SLC2A9: variants seen among roughly 807,000 people sequenced by gnomAD.
SLC2A9 encodes solute carrier family 2, facilitated glucose transporter member 9.
In SLC2A9, 39 loss-of-function variants were observed where a neutral mutation model predicts 50.6. The ratio of observed to expected loss-of-function variants is 0.77; its 90% CI spans 0.60 to 1.01. The LOEUF is 1.01. Ranked by LOEUF, SLC2A9 falls within the 50% of genes least tolerant of loss-of-function variation. SLC2A9 has a pLI of 0.00. For synonymous variants in SLC2A9, 324 were observed against 276.9 expected, an observed-to-expected ratio of 1.17 and a Z score of -1.69; for missense variants, 686 against 677.6, an observed-to-expected ratio of 1.01 and a Z score of -0.14.
chr4:10,035,609 C>G (rs1764075754), intron 1 of SLC2A9: 1 of 152,164 alleles, frequency 6.6e-6, no homozygotes, highest in Non-Finnish European at 1.5e-5. Flanking sequence ...GAAAGCTGGT[C>G]AAGCCTCACT....
At chr4:9,964,112 C>T (rs1006427355) in intron 5 of SLC2A9, among the ~76,000 whole-genome samples, 7 of 152,200 alleles carry the variant, frequency 4.6e-5, no homozygotes, top group Middle Eastern at 3.4e-3. Flanking sequence ...GGGAGACATT[C>T]GAGAATTCTT....
chr4:9,852,052 G>A (rs1425257894), intron 10 of SLC2A9, among the ~76,000 whole-genome samples: 2 of 152,144 alleles, frequency 1.3e-5, no homozygotes, highest in Non-Finnish European at 2.9e-5. Context: ...ACCCCTGTGA[G>A]ATACTATATA....
At chr4:9,817,376 G>A (rs536696492) in intron 3 of SLC2A9, among the ~76,000 whole-genome samples, 27 of 152,270 alleles carry the variant, frequency 1.8e-4, no homozygotes, top group East Asian at 1.3e-3. Context: ...CACCTTCTAC[G>A]TATGTGCCAG....
intron 10 of SLC2A9, among the ~76,000 whole-genome samples, chr4:9,881,353 A>G (rs777439342): frequency 2.0e-5 from 3 of 152,134 alleles, no homozygotes; most frequent in Non-Finnish European, 4.4e-5. Context: ...ATGTTTGAGC[A>G]CCACTGCTGT....
At chr4:9,902,227 C>T (rs1311501390) in intron 8 of SLC2A9, among the ~76,000 whole-genome samples, 1 of 152,212 alleles carries the variant, frequency 6.6e-6, no homozygotes, top group Non-Finnish European at 1.5e-5. Context: ...CCTTCTAAAA[C>T]ACTGTGTGGG....
intron 10 of SLC2A9, among the ~76,000 whole-genome samples, chr4:9,860,181 C>T (rs1379234137): frequency 6.6e-6 from 1 of 152,198 alleles, no homozygotes; most frequent in Non-Finnish European, 1.5e-5. Context: ...TCCTCCTTCT[C>T]CTCCCTCCCT....
intron 10 of SLC2A9, among the ~76,000 whole-genome samples, chr4:9,837,352 T>C (rs1325242434): frequency 2.6e-5 from 4 of 152,212 alleles, no homozygotes; most frequent in Non-Finnish European, 4.4e-5. Flanking sequence ...AAATATTTCA[T>C]TGTCAGAAAG....
At chr4:9,957,038 G>C (rs6815001) in intron 5 of SLC2A9, among the ~76,000 whole-genome samples, 73,273 of 151,718 alleles carry the variant, frequency 0.48, 19,051 homozygotes, top group African/African-American at 0.67. Flanking sequence ...GGAGGACCCA[G>C]CAAAGACAGG....
Position 10,021,434 on chromosome 4 carries a change from C to G in SLC2A9, c.-5G>C. On this transcript the variant is annotated 5_prime_UTR_variant, in exon 1 of 12. Transcript: ENST00000264784. ...CCTATTTTGTTTCCTTGCCATGGGT[C>G]TCAGTGACCCAGCTGATGGCTCAGT... 1 of 1,614,162 alleles carries G rather than the reference C, an allele frequency of 6.2e-7. No individual in the cohort carries two copies. Among genetic ancestry groups the G allele is most frequent in the Non-Finnish European group, 8.5e-7 (1 of 1,180,028 alleles).
At chr4:9,774,186 G>C (rs149730277) in intron 1 of SLC2A9, among the ~76,000 whole-genome samples, 3 of 152,074 alleles carry the variant, frequency 2.0e-5, no homozygotes, top group Admixed American at 2.0e-4. Context: ...TAGAGATGGG[G>C]TTTTGCCATG....
At chr4:9,914,510 C>T (rs1455079448) in intron 7 of SLC2A9, among the ~76,000 whole-genome samples, 1 of 152,224 alleles carries the variant, frequency 6.6e-6, no homozygotes, top group Admixed American at 6.5e-5. Context: ...GCGCACCTTA[C>T]GCTTCACAAA....
At chr4:9,805,354 T>C (rs1390654225) in intron 3 of SLC2A9, among the ~76,000 whole-genome samples, 1 of 152,184 alleles carries the variant, frequency 6.6e-6, no homozygotes, top group African/African-American at 2.4e-5. Context: ...ATCATGCCCA[T>C]CTGTGTTTCA....
At chr4:9,929,787 C>T (rs1026344379) in intron 6 of SLC2A9, among the ~76,000 whole-genome samples, 16 of 100,092 alleles carry the variant, frequency 1.6e-4, no homozygotes, top group Non-Finnish European at 3.6e-4. Flanking sequence ...CCAGCTGGGG[C>T]TGCTATAACA....
chr4:9,931,247 T>C (rs1184752358), intron 6 of SLC2A9, among the ~76,000 whole-genome samples: 1 of 152,224 alleles, frequency 6.6e-6, no homozygotes, highest in Non-Finnish European at 1.5e-5. Flanking sequence ...GAGGGCTTCC[T>C]GTGGCTCATA....
At chr4:9,939,314 T>C (rs1015070727) in intron 6 of SLC2A9, among the ~76,000 whole-genome samples, 1 of 152,172 alleles carries the variant, frequency 6.6e-6, no homozygotes, top group Non-Finnish European at 1.5e-5. Flanking sequence ...TGTTGACCTA[T>C]AGGTTTGTGA....
intron 10 of SLC2A9, among the ~76,000 whole-genome samples, chr4:9,863,591 G>A (rs1731990394): frequency 6.6e-6 from 1 of 152,094 alleles, no homozygotes; most frequent in African/African-American, 2.4e-5. Flanking sequence ...GCCCTCTTAA[G>A]GCATAATTCT....
intron 3 of SLC2A9, among the ~76,000 whole-genome samples, chr4:9,816,174 C>CATAAATAA (rs34640947): frequency 0.019 from 2,763 of 149,126 alleles, 43 homozygotes; most frequent in African/African-American, 0.029. Flanking sequence ...TGTCTCAAAA[C>CATAAATAA]ATAAATAAAT....
At chr4:9,859,695 C>A (rs1731293502) in intron 10 of SLC2A9, among the ~76,000 whole-genome samples, 1 of 152,240 alleles carries the variant, frequency 6.6e-6, no homozygotes, top group Non-Finnish European at 1.5e-5. Flanking sequence ...TTGGAAGTTT[C>A]TTCCAGTGAA....
intron 10 of SLC2A9, among the ~76,000 whole-genome samples, chr4:9,862,571 T>C (rs979711111): frequency 6.6e-6 from 1 of 152,042 alleles, no homozygotes; most frequent in African/African-American, 2.4e-5. Context: ...TTATCCCCTA[T>C]GCTAACAACA....
Sources: allele counts gnomAD v4.1 joint callset (sites outside exome capture counted in the v4.1 genomes callset), GRCh38; gene constraint gnomAD v4.1.1; transcripts MANE v1.5; gene names NCBI Gene and HGNC (gene_info 2026-07-23, HGNC 2026-07-21).